The following CHAT variants were observed in gnomAD, a reference collection of about 807,000 sequenced individuals.
The protein encoded by CHAT is choline O-acetyltransferase.
A neutral mutation model predicts 76.9 loss-of-function variants in CHAT; 61 were observed. That is an observed-to-expected ratio of 0.79 (90% CI 0.65 to 0.98). The LOEUF is 0.98. Ranked by LOEUF, CHAT falls within the 50% of genes least tolerant of loss-of-function variation. The pLI is 0.00. For synonymous variants in CHAT, 407 were observed against 397.4 expected, an observed-to-expected ratio of 1.02 and a Z score of -0.29; for missense variants, 946 against 986.9, an observed-to-expected ratio of 0.96 and a Z score of 0.56.
chr10:49,645,487 T>C (rs1839629237), intron 7 of CHAT, among the ~76,000 whole-genome samples: 2 of 152,098 alleles, frequency 1.3e-5, no homozygotes, highest in South Asian at 4.2e-4. Flanking sequence ...TACTGAGCAG[T>C]GGAGAGAACA....
At chr10:49,612,492 G>C, upstream of CHAT, 1 of 730,910 alleles carries the variant, frequency 1.4e-6, no homozygotes, top group South Asian at 2.0e-5. Flanking sequence ...CCCTCCCTGT[G>C]ACCCGTTCCA....
chr10:49,658,481 G>T (rs1840098252), intron 13 of CHAT, among the ~76,000 whole-genome samples: 1 of 152,172 alleles, frequency 6.6e-6, no homozygotes, highest in Admixed American at 6.5e-5. Flanking sequence ...TCACGTCATT[G>T]TACTTCAGTC....
Position 49,649,612 on chromosome 10 carries a change from C to T in CHAT, c.1487C>T (p.Ala496Val). ...KCSPEIQGHLASSAEKLQRIV... is the reference protein window; with the variant it reads ...KCSPEIQGHLVSSAEKLQRIV... The stretch of plus-strand genomic sequence containing the variant: ...TCCCCGGAAATTCAAGGCCACTTAG[C>T]CTCCTCGGCAGAAAAACTTCAACGG... Residue 496 changes from alanine to valine, a missense_variant, in exon 10 of 15, where the codon GCC becomes GTC. Ala to Val is a moderately conservative substitution (Grantham distance 64). Transcript: ENST00000337653. The T allele has an allele frequency of 6.2e-7, 1 of 1,613,862 alleles. No homozygotes were observed. The highest frequency in any genetic ancestry group is 8.5e-7 in the Non-Finnish European group (1 of 1,180,048).
chr10:49,647,064 A>C, intron 8 of CHAT: 2 of 253,142 alleles, frequency 7.9e-6, no homozygotes, highest in Non-Finnish European at 7.8e-6. Flanking sequence ...CAAATCCTTA[A>C]TGCATGCTGA....
intron 13 of CHAT, among the ~76,000 whole-genome samples, chr10:49,657,716 G>A (rs1455201888): frequency 6.6e-6 from 1 of 152,092 alleles, no homozygotes; most frequent in East Asian, 1.9e-4. Context: ...AACTAGCTCT[G>A]TAACCATCCC....
intron 7 of CHAT, among the ~76,000 whole-genome samples, chr10:49,639,628 T>C: frequency 6.6e-6 from 1 of 152,048 alleles, no homozygotes; most frequent in African/African-American, 2.4e-5. Flanking sequence ...ATTTCTCTCT[T>C]GCTGTTTTCA....
chr10:49,662,000 G>A (rs572774111), intron 13 of CHAT, among the ~76,000 whole-genome samples: 90 of 152,214 alleles, frequency 5.9e-4, no homozygotes, highest in Non-Finnish European at 1.2e-3. Context: ...AGTTGAGCCT[G>A]CTAAGGGGTC....
At chr10:49,643,671 G>A (rs535631215) in intron 7 of CHAT, among the ~76,000 whole-genome samples, 1 of 152,294 alleles carries the variant, frequency 6.6e-6, no homozygotes, top group African/African-American at 2.4e-5. Context: ...GAAGCTCAAA[G>A]CCTCAAAAGT....
At chr10:49,621,786 G>A (rs964284612) in intron 4 of CHAT, among the ~76,000 whole-genome samples, 7 of 151,898 alleles carry the variant, frequency 4.6e-5, no homozygotes, top group African/African-American at 9.7e-5. Context: ...AGAGCTACTC[G>A]ACCCCCAGTT....
intron 13 of CHAT, among the ~76,000 whole-genome samples, chr10:49,657,132 A>AT (rs1481355484): frequency 1.3e-5 from 2 of 152,136 alleles, no homozygotes; most frequent in African/African-American, 2.4e-5. Flanking sequence ...ACAGATAATT[A>AT]TTTTTTAAAG....
chr10:49,639,519 A>AAT (rs1554805820), intron 7 of CHAT, among the ~76,000 whole-genome samples: 1 of 134,902 alleles, frequency 7.4e-6, no homozygotes, highest in Non-Finnish European at 1.6e-5. Flanking sequence ...TCTCCTATAG[A>AAT]ATATATATAT....
chr10:49,647,597 C>T (rs1486909523), intron 8 of CHAT, among the ~76,000 whole-genome samples: 1 of 152,220 alleles, frequency 6.6e-6, no homozygotes, highest in Non-Finnish European at 1.5e-5. Context: ...CTGATGCGCT[C>T]TCCAGCTGCT....
chr10:49,651,745 C>A, intron 10 of CHAT, 139 bp from the exon 11 acceptor site: 1 of 791,864 alleles, frequency 1.3e-6, no homozygotes, highest in Non-Finnish European at 2.0e-6. Flanking sequence ...CACCTCAGTG[C>A]ACTCCTGAAG....
chr10:49,656,421 C>T (rs968670600), intron 13 of CHAT, among the ~76,000 whole-genome samples: 4 of 151,516 alleles, frequency 2.6e-5, no homozygotes, highest in African/African-American at 7.3e-5. Context: ...AGAGGCCCTT[C>T]AACGTGAACA....
At position 49,624,639 on chromosome 10, in the gene CHAT, C is replaced by T. The variant is rs117907675; in HGVS notation, c.753-834C>T. Among the ~76,000 whole-genome samples, 139 of 152,360 alleles carry T rather than the reference C, an allele frequency of 9.1e-4. 1 individual carries two copies. The East Asian group carries it at 0.013, about 14-fold the overall frequency. ...CATGTCTTATTTGCTGCCATATCCC[C>T]ACATCCCAGAATGGTGCCTGGCCTA... On this transcript the variant is annotated intron_variant, in intron 5 of 14. Transcript: ENST00000337653.
At chr10:49,620,933 C>T (rs538974904) in intron 4 of CHAT, among the ~76,000 whole-genome samples, 50 of 152,346 alleles carry the variant, frequency 3.3e-4, no homozygotes, top group East Asian at 7.7e-4. Flanking sequence ...CCCTGGACCA[C>T]GCCAGTACTT....
At position 49,614,194 on chromosome 10, in the gene CHAT, G is replaced by A; in HGVS notation, c.5G>A (p.Gly2Glu). M[G>E]LRTAKKRGLG... ...GGGCGGGGAGCTGGGGAAGGGATGG[G>A]GCTGAGGACAGCGAAGAAGAGGGGG... is the stretch of plus-strand genomic sequence containing the variant. The change falls in exon 1 of 15, where the codon GGG (glycine) becomes GAG (glutamate). Residue 2 changes from glycine to glutamate, a missense_variant. Around this residue, in one of 3 missense-constraint regions of CHAT, gnomAD observed 548 missense variants for 516.2 expected, o/e 1.06. Transcript: ENST00000337653. 1 of 1,540,120 alleles carries A rather than the reference G, an allele frequency of 6.5e-7. No homozygotes were observed. Among genetic ancestry groups the A allele is most frequent in the Non-Finnish European group, 8.8e-7 (1 of 1,140,840 alleles).
chr10:49,666,489 C>T lies in CHAT; in HGVS notation c.*1443C>T, dbSNP rs1385613210. Among the ~76,000 whole-genome samples, 1 of 152,218 alleles carries T rather than the reference C, an allele frequency of 6.6e-6. No homozygotes were observed. The highest frequency in any genetic ancestry group is 2.4e-5 in the African/African-American group (1 of 41,462). On this transcript the variant is annotated 3_prime_UTR_variant, in exon 15 of 15. Coordinates refer to ENST00000337653, the MANE Select transcript of CHAT (RefSeq NM_020549.5). The stretch of plus-strand genomic sequence containing the variant: ...CCGTGTGTTCTGCTCCACATCCCTC[C>T]AATCCTGCTGCTTCCTGCTGAGCAC...
intron 7 of CHAT, among the ~76,000 whole-genome samples, chr10:49,643,513 T>C (rs955288542): frequency 4.6e-5 from 7 of 152,266 alleles, no homozygotes; most frequent in African/African-American, 1.4e-4. Context: ...CAGGGACCAG[T>C]AGCACAGCAC....
Sources: gnomAD v4.1 joint callset for allele counts (sites outside exome capture counted in the v4.1 genomes callset) on GRCh38, gnomAD v4.1.1 for gene constraint, gnomAD v4.1.1 regional missense constraint, MANE v1.5 for transcripts, NCBI Gene and HGNC (gene_info 2026-07-23, HGNC 2026-07-21) for gene names.